The following PDE4B variants were observed in gnomAD, a reference collection of about 807,000 sequenced individuals.
PDE4B encodes the protein phosphodiesterase 4B, also known as 3',5'-cyclic-AMP phosphodiesterase 4B.
A neutral mutation model predicts 82.2 loss-of-function variants in PDE4B; 20 were observed. That is an observed-to-expected ratio of 0.24 (90% CI 0.17 to 0.35). The LOEUF (loss-of-function observed/expected upper bound fraction) is 0.35, where lower values mean the gene tolerates loss of function less well. Among genes scored for constraint, PDE4B ranks in the 10% least tolerant of loss-of-function variants. PDE4B has a pLI of 1.00. For synonymous variants in PDE4B, 320 were observed against 318.9 expected (o/e 1.00, Z -0.04); for missense variants, 655 against 907.2 (o/e 0.72, Z 3.57).
intron 3 of PDE4B, among the ~76,000 whole-genome samples, chr1:66,203,670 A>G (rs1649246867): frequency 1.3e-5 from 2 of 152,016 alleles, no homozygotes; most frequent in Admixed American, 1.3e-4. Flanking sequence ...TTCTTCATGT[A>G]GTTCTCGAGC....
Position 66,363,256 on chromosome 1 carries a change from C to G in PDE4B, c.1109C>G (p.Ala370Gly). 1 of 1,606,832 alleles carries G rather than the reference C, an allele frequency of 6.2e-7. No homozygotes were observed. Among genetic ancestry groups the G allele is most frequent in the Non-Finnish European group, 8.5e-7 (1 of 1,173,646 alleles). The change falls in exon 11 of 17, where the codon GCT (alanine) becomes GGT (glycine). Residue 370 changes from alanine to glycine, a missense_variant. Around this residue, in one of 3 missense-constraint regions of PDE4B, gnomAD observed 283 missense variants for 516.4 expected, o/e 0.55. Transcript: ENST00000341517. Reference sequence around the variant, plus strand: ...AGACCCCTAACATGCATCATGTATGCTATATTCCAGGTGAGTGAACAGGAG... The same window carrying G: ...AGACCCCTAACATGCATCATGTATGGTATATTCCAGGTGAGTGAACAGGAG... ...HNRPLTCIMY[A>G]IFQERDLLKT...
Position 65,948,970 on chromosome 1 carries a change from C to A in PDE4B, c.281+30135C>A, listed in dbSNP as rs555565077. On this transcript the variant is annotated intron_variant, in intron 3 of 16. Transcript: ENST00000341517. ...ATTCATATTCAAATACCCTTATTGG[C>A]TGCCTATCTATCTTGCCCCTAGGGA... Among the ~76,000 whole-genome samples, 9 of 152,192 alleles carry A rather than the reference C, an allele frequency of 5.9e-5. No homozygotes were observed. In the East Asian group the frequency reaches 1.7e-3, roughly 30 times the overall value.
At chr1:66,028,735 G>A (rs567283353) in intron 3 of PDE4B, among the ~76,000 whole-genome samples, 1 of 152,262 alleles carries the variant, frequency 6.6e-6, no homozygotes, top group Non-Finnish European at 1.5e-5. Flanking sequence ...TAGGGGAGGG[G>A]CAAAATGCCA....
chr1:66,233,536 G>T (rs559654618), intron 3 of PDE4B, among the ~76,000 whole-genome samples: 9 of 152,118 alleles, frequency 5.9e-5, no homozygotes, highest in African/African-American at 2.2e-4. Context: ...TATTGCACTG[G>T]GTAAAACCTC....
chr1:65,858,898 G>T (rs1394201075), intron 1 of PDE4B, among the ~76,000 whole-genome samples: 2 of 152,142 alleles, frequency 1.3e-5, no homozygotes, highest in African/African-American at 4.8e-5. Context: ...GAACCATTCT[G>T]TAATAGACCA....
intron 3 of PDE4B, among the ~76,000 whole-genome samples, chr1:66,117,046 G>A (rs574005393): frequency 6.6e-6 from 1 of 152,162 alleles, no homozygotes; most frequent in East Asian, 1.9e-4. Context: ...TGTATTGATT[G>A]CTTTCTCAAA....
At chr1:66,292,244 T>A (rs1164782126) in intron 7 of PDE4B, among the ~76,000 whole-genome samples, 1 of 152,234 alleles carries the variant, frequency 6.6e-6, no homozygotes, top group African/African-American at 2.4e-5. Flanking sequence ...AGCCAATAGT[T>A]GGTGAATGTT....
At chr1:65,865,253 A>G (rs1646497821) in intron 1 of PDE4B, among the ~76,000 whole-genome samples, 1 of 152,202 alleles carries the variant, frequency 6.6e-6, no homozygotes. Context: ...GGTCCCAGGT[A>G]GACTTCAGAG....
At chr1:66,009,594 G>A (rs1652354149) in intron 3 of PDE4B, among the ~76,000 whole-genome samples, 1 of 152,034 alleles carries the variant, frequency 6.6e-6, no homozygotes. Context: ...CACCATCCCA[G>A]CCACACTGCT....
At chr1:65,909,754 T>A (rs1043394334) in intron 1 of PDE4B, among the ~76,000 whole-genome samples, 4 of 152,208 alleles carry the variant, frequency 2.6e-5, no homozygotes, top group Non-Finnish European at 5.9e-5. Context: ...GACAGTAATC[T>A]CAGATTAAGA....
chr1:66,270,223 A>C (rs1162842678), intron 7 of PDE4B, among the ~76,000 whole-genome samples: 1 of 152,232 alleles, frequency 6.6e-6, no homozygotes, highest in African/African-American at 2.4e-5. Flanking sequence ...GACTGTGTTC[A>C]GAGAAATCGT....
chr1:65,920,330 CAA>C (rs1245102866), intron 3 of PDE4B, among the ~76,000 whole-genome samples: 2 of 152,176 alleles, frequency 1.3e-5, no homozygotes, highest in African/African-American at 4.8e-5. Context: ...AATCTAAAAA[CAA>C]AGAGGTGAAG....
intron 1 of PDE4B, among the ~76,000 whole-genome samples, chr1:65,881,890 C>T (rs1646712618): frequency 6.7e-6 from 1 of 148,414 alleles, no homozygotes; most frequent in Non-Finnish European, 1.5e-5. Context: ...ACCAAAATAA[C>T]TCTTGAGAAA....
chr1:66,204,561 C>A (rs1367732090), intron 3 of PDE4B, among the ~76,000 whole-genome samples: 1 of 152,230 alleles, frequency 6.6e-6, no homozygotes, highest in Non-Finnish European at 1.5e-5. Flanking sequence ...GTGCCCCTCC[C>A]CCAGCCTCAC....
intron 3 of PDE4B, among the ~76,000 whole-genome samples, chr1:66,049,365 GA>G (rs1279857460): frequency 6.6e-6 from 1 of 152,048 alleles, no homozygotes; most frequent in Non-Finnish European, 1.5e-5. Flanking sequence ...TTGGCAGAGG[GA>G]AAAGAGTGGG....
In PDE4B at chr1:66,106,093, T is replaced by G. The variant is rs1308892250; in HGVS notation, c.282-141367T>G. 2.6e-5 allele frequency among the ~76,000 whole-genome samples: 4 copies of G among 152,084 alleles called. No individual in the cohort carries two copies. The East Asian group carries it at 7.7e-4, about 29-fold the overall frequency. On this transcript the variant is annotated intron_variant, in intron 3 of 16. Coordinates refer to ENST00000341517, the MANE Select transcript of PDE4B (RefSeq NM_002600.4). ...CTGTGGGTTTGTCATAGATAGCTCT[T>G]ATTATTTTGAGATACATCCCATCAA...
intron 3 of PDE4B, among the ~76,000 whole-genome samples, chr1:65,956,621 A>T (rs575850997): frequency 6.6e-6 from 1 of 152,286 alleles, no homozygotes; most frequent in South Asian, 2.1e-4. Context: ...GCAAACTTCC[A>T]GTAAATGTTC....
chr1:66,023,768 A>G (rs1284237941), intron 3 of PDE4B, among the ~76,000 whole-genome samples: 1 of 152,152 alleles, frequency 6.6e-6, no homozygotes, highest in Non-Finnish European at 1.5e-5. Context: ...AAGAGTAATA[A>G]GATATAGTGT....
chr1:66,170,865 T>C (rs911309261), intron 3 of PDE4B, among the ~76,000 whole-genome samples: 1 of 152,184 alleles, frequency 6.6e-6, no homozygotes, highest in African/African-American at 2.4e-5. Flanking sequence ...TGTAATATTA[T>C]AGTACCAGGT....
Sources: gnomAD v4.1 joint callset for allele counts (sites outside exome capture counted in the v4.1 genomes callset) on GRCh38, gnomAD v4.1.1 for gene constraint, gnomAD v4.1.1 regional missense constraint, MANE v1.5 for transcripts, NCBI Gene and HGNC (gene_info 2026-07-23, HGNC 2026-07-21) for gene names.